Variants in BTBD9 observed in about 807,000 individuals in gnomAD.
BTBD9 encodes the protein BTB domain containing 9.
BTBD9 carries 49 observed loss-of-function variants against 64.3 expected under a neutral mutation model. The ratio of observed to expected loss-of-function variants is 0.76; its 90% CI spans 0.61 to 0.97. BTBD9 has a LOEUF of 0.97. Among genes scored for constraint, BTBD9 ranks in the 50% least tolerant of loss-of-function variants. The probability of loss-of-function intolerance (pLI) is 0.00; values close to 1 mark genes in which losing one functional copy is unlikely to be tolerated. For synonymous variants in BTBD9, 260 were observed against 274.7 expected (o/e 0.95, Z 0.53); for missense variants, 598 against 762.1 (o/e 0.78, Z 2.53).
chr6:38,583,532 C>T (rs975711249), intron 4 of BTBD9, among the ~76,000 whole-genome samples: 3 of 152,008 alleles, frequency 2.0e-5, no homozygotes, highest in Admixed American at 6.6e-5. Flanking sequence ...AGGCCAAAGA[C>T]GGGAACATCA....
intron 8 of BTBD9, among the ~76,000 whole-genome samples, chr6:38,275,695 A>G (rs1761209069): frequency 1.3e-5 from 2 of 152,254 alleles, no homozygotes; most frequent in Non-Finnish European, 2.9e-5. Context: ...GAAGGATATG[A>G]ACAGACACTT....
chr6:38,236,943 T>A (rs1185737154), intron 9 of BTBD9, among the ~76,000 whole-genome samples: 1 of 152,218 alleles, frequency 6.6e-6, no homozygotes, highest in Non-Finnish European at 1.5e-5. Flanking sequence ...CTGTGCCAAA[T>A]GAACAGGATG....
At chr6:38,621,263 T>A (rs189891621) in intron 1 of BTBD9, among the ~76,000 whole-genome samples, 357 of 152,338 alleles carry the variant, frequency 2.3e-3, no homozygotes, top group Non-Finnish European at 3.4e-3. Context: ...CAGGGGCTAC[T>A]CCTTGAGGGA....
chr6:38,583,266 G>C (rs369304916), intron 4 of BTBD9, among the ~76,000 whole-genome samples: 52 of 152,156 alleles, frequency 3.4e-4, no homozygotes, highest in African/African-American at 1.2e-3. Flanking sequence ...GAGAGGCCGA[G>C]GCAGGTGGAT....
chr6:38,336,465 A>G (rs1167449689), intron 7 of BTBD9, among the ~76,000 whole-genome samples: 5 of 152,176 alleles, frequency 3.3e-5, no homozygotes, highest in African/African-American at 1.2e-4. Context: ...CCTTCTTCAC[A>G]TGGCAGAAGG....
chr6:38,595,639 G>A (rs376925800), intron 2 of BTBD9: 2 of 248,250 alleles, frequency 8.1e-6, no homozygotes, highest in Non-Finnish European at 1.3e-5. Context: ...AAAATTCTCA[G>A]AGTAGGACTA....
intron 6 of BTBD9, among the ~76,000 whole-genome samples, chr6:38,354,047 C>T (rs984520314): frequency 2.0e-5 from 3 of 151,574 alleles, no homozygotes; most frequent in African/African-American, 7.3e-5. Flanking sequence ...GGAAGAGAGG[C>T]AAAAGAAGGA....
chr6:38,373,419 C>T (rs1042535270), intron 6 of BTBD9, among the ~76,000 whole-genome samples: 1 of 152,148 alleles, frequency 6.6e-6, no homozygotes, highest in African/African-American at 2.4e-5. Flanking sequence ...TAGTATATTA[C>T]TTAAAGCCCC....
rs371092137 is a variant in BTBD9, at chr6:38,366,518, TTTA to T, written c.1155-21428_1155-21426del. 3.2e-3 allele frequency among the ~76,000 whole-genome samples: 490 copies of T among 152,358 alleles called. 3 individuals carry two copies. The highest frequency in any genetic ancestry group is 0.011 in the African/African-American group (453 of 41,580). On this transcript the variant is annotated intron_variant, in intron 6 of 10. Transcript: ENST00000481247. ...TACAAAGCATGTATATACTGTATAC[TTTA>T]TAACAGGGCAGAACCCAAGAGTAAA... is the stretch of plus-strand genomic sequence containing the variant.
At chr6:38,552,183 T>C (rs955783207) in intron 6 of BTBD9, among the ~76,000 whole-genome samples, 10 of 152,186 alleles carry the variant, frequency 6.6e-5, no homozygotes, top group African/African-American at 2.4e-4. Context: ...AGGGCCTCTA[T>C]CTTAAGTCCA....
intron 6 of BTBD9, among the ~76,000 whole-genome samples, chr6:38,489,483 A>G (rs533014588): frequency 1.3e-5 from 2 of 152,274 alleles, no homozygotes; most frequent in East Asian, 1.9e-4. Context: ...AAATAAATAA[A>G]TAAGTAAATA....
intron 6 of BTBD9, among the ~76,000 whole-genome samples, chr6:38,489,732 C>T (rs75885579): frequency 5.9e-5 from 9 of 152,292 alleles, no homozygotes; most frequent in Non-Finnish European, 1.0e-4. Context: ...TTCACACTGA[C>T]GTTGATCCTT....
intron 6 of BTBD9, among the ~76,000 whole-genome samples, chr6:38,460,002 G>C (rs1291156385): frequency 2.6e-5 from 4 of 152,110 alleles, no homozygotes; most frequent in African/African-American, 9.7e-5. Context: ...ATCATCTCAA[G>C]CTAGCTTATG....
chr6:38,391,432 G>T (rs1344253275), intron 6 of BTBD9, among the ~76,000 whole-genome samples: 1 of 152,088 alleles, frequency 6.6e-6, no homozygotes, highest in Admixed American at 6.5e-5. Context: ...AGGAAAGAAG[G>T]CAATAATGAA....
rs776351851 is a variant in BTBD9 at position 38,192,525 on chromosome 6, TG to T, written c.1634del (p.Ala545GlufsTer203). On this transcript the variant is annotated frameshift_variant, in exon 10 of 11. Transcript: ENST00000481247. LOFTEE classifies it high-confidence loss of function. Reference sequence around the variant, plus strand: ...CATGAAAAGAGACCCTTACCTCATTTGCTGTGTTGTGTGTCCCAACGATACG... The same window carrying T: ...CATGAAAAGAGACCCTTACCTCATTTCTGTGTTGTGTGTCCCAACGATACG... ...FIRIVGTHNTANEVFHCVHFE... is the reference protein window; with the variant it reads ...FIRIVGTHNTXNEVFHCVHFE... 4.3e-6 allele frequency: 7 copies of T among 1,613,620 alleles called. No homozygotes were observed. The highest frequency in any genetic ancestry group is 5.9e-6 in the Non-Finnish European group (7 of 1,179,698).
At chr6:38,454,228 C>A (rs1769685788) in intron 6 of BTBD9, among the ~76,000 whole-genome samples, 1 of 151,990 alleles carries the variant, frequency 6.6e-6, no homozygotes, top group African/African-American at 2.4e-5. Flanking sequence ...GCGGACACAG[C>A]TATTTTATTG....
rs973021592 is a variant in BTBD9 at position 38,603,574 on chromosome 6, T to C, written c.-27-5453A>G. On this transcript the variant is annotated intron_variant, in intron 1 of 10. Transcript: ENST00000481247. ...ACTTAAAGCTCACTTATACAACTGT[T>C]TACAAACTTTAACCAGAGCTAACTA... Among the ~76,000 whole-genome samples the C allele has an allele frequency of 4.3e-4, 65 of 152,344 alleles. 1 individual carries two copies. The highest frequency in any genetic ancestry group is 1.2e-3 in the African/African-American group (51 of 41,584).
intron 6 of BTBD9, among the ~76,000 whole-genome samples, chr6:38,530,371 T>C (rs1417105151): frequency 6.6e-6 from 1 of 152,190 alleles, no homozygotes; most frequent in East Asian, 1.9e-4. Context: ...TTCTGCCCTT[T>C]GAAGCATGTG....
intron 1 of BTBD9, among the ~76,000 whole-genome samples, chr6:38,599,526 C>G (rs1424294591): frequency 6.6e-6 from 1 of 152,188 alleles, no homozygotes; most frequent in African/African-American, 2.4e-5. Flanking sequence ...CAGATGCCCC[C>G]GGTGAAGAGG....
Sources: gnomAD v4.1 joint callset for allele counts (sites outside exome capture counted in the v4.1 genomes callset) on GRCh38, gnomAD v4.1.1 for gene constraint, MANE v1.5 for transcripts, NCBI Gene and HGNC (gene_info 2026-07-23, HGNC 2026-07-21) for gene names.